CPNE5: variants seen among roughly 807,000 people sequenced by gnomAD.
The protein encoded by CPNE5 is copine-5.
A neutral mutation model predicts 81.1 loss-of-function variants in CPNE5; 42 were observed. That is an observed-to-expected ratio of 0.52 (90% CI 0.40 to 0.67). CPNE5 has a LOEUF of 0.67. Among genes scored for constraint, CPNE5 ranks in the 30% least tolerant of loss-of-function variants. The probability of loss-of-function intolerance (pLI) is 0.00; values close to 1 mark genes in which losing one functional copy is unlikely to be tolerated. For missense variants in CPNE5, 612 were observed against 815.5 expected (o/e 0.75, Z 3.04); for synonymous variants, 313 against 321.5 (o/e 0.97, Z 0.28).
chr6:36,769,490 G>A (rs536941634), intron 10 of CPNE5, among the ~76,000 whole-genome samples: 4 of 152,348 alleles, frequency 2.6e-5, no homozygotes, highest in South Asian at 4.1e-4. Context: ...GAGCTGCAAG[G>A]TCTGCCTCCT....
At chr6:36,756,566 C>G (rs73414240) in intron 12 of CPNE5, among the ~76,000 whole-genome samples, 1 of 152,150 alleles carries the variant, frequency 6.6e-6, no homozygotes, top group Non-Finnish European at 1.5e-5. Flanking sequence ...CACTGTTCCC[C>G]GGAACACACG....
At chr6:36,792,439 G>C in intron 7 of CPNE5, 1 of 1,357,648 alleles carries the variant, frequency 7.4e-7, no homozygotes, top group Non-Finnish European at 9.7e-7. Context: ...TCCATCCAAA[G>C]ACCACTTCTG....
In CPNE5 at chr6:36,746,362, A is replaced by G. The variant is rs3213535; in HGVS notation, c.1200+34T>C. On this transcript the variant is annotated intron_variant, in intron 16 of 20. Coordinates refer to ENST00000244751, the MANE Select transcript of CPNE5 (RefSeq NM_020939.2). The surrounding 1 kb of genome is among the most constrained non-coding windows in gnomAD (Gnocchi z 4.5). ...AGCTTGTCACCTCACCCCCAGCCTG[A>G]TCAGTCCTCTCTCCCACCAGCGGGA... 0.33 allele frequency: 478,285 copies of G among 1,465,302 alleles called. 76,965 individuals are homozygous for G. Among genetic ancestry groups the G allele is most frequent in the Non-Finnish European group, 0.35 (379,574 of 1,091,696 alleles). The allele number at this position is 1,465,302 out of a possible 1,614,324, so 90.8% of individuals were successfully genotyped here.
intron 1 of CPNE5, among the ~76,000 whole-genome samples, chr6:36,838,321 A>G (rs986473487): frequency 6.6e-6 from 1 of 152,214 alleles, no homozygotes; most frequent in African/African-American, 2.4e-5. Flanking sequence ...GATCTGGGGC[A>G]GGGGGCATGG....
chr6:36,786,619 C>A (rs1369637601), intron 8 of CPNE5, among the ~76,000 whole-genome samples: 1 of 152,178 alleles, frequency 6.6e-6, no homozygotes, highest in Non-Finnish European at 1.5e-5. Flanking sequence ...ATGTTCACTA[C>A]AGTATTATTT....
At chr6:36,785,890 A>G (rs533540575) in intron 8 of CPNE5, among the ~76,000 whole-genome samples, 39 of 151,806 alleles carry the variant, frequency 2.6e-4, no homozygotes, top group Non-Finnish European at 2.9e-5. Flanking sequence ...ATGCATGCCT[A>G]TAATCCCAGA....
At chr6:36,763,110 G>T (rs558287503) in intron 11 of CPNE5, 118 bp from the exon 12 acceptor site, 3 of 861,660 alleles carry the variant, frequency 3.5e-6, no homozygotes, top group Non-Finnish European at 5.8e-6. Context: ...TCCACTCCAG[G>T]GGCACACGCC....
intron 3 of CPNE5, among the ~76,000 whole-genome samples, chr6:36,816,430 C>G (rs554752798): frequency 1.3e-5 from 2 of 152,218 alleles, no homozygotes; most frequent in Non-Finnish European, 2.9e-5. Context: ...CCAGGGGCCA[C>G]GAGAGCAGAT....
intron 3 of CPNE5, among the ~76,000 whole-genome samples, chr6:36,811,285 G>A (rs1425851506): frequency 2.6e-5 from 4 of 152,164 alleles, no homozygotes; most frequent in Admixed American, 1.3e-4. Context: ...CCAAAACATC[G>A]ATAGCTCCTG....
In CPNE5 at chr6:36,813,820, T is replaced by A. The variant is rs191652503; in HGVS notation, c.183+8294A>T. Among the ~76,000 whole-genome samples, 116 of 152,330 alleles carry A rather than the reference T, an allele frequency of 7.6e-4. 1 individual carries two copies. The highest frequency in any genetic ancestry group is 2.7e-3 in the African/African-American group (113 of 41,582). Reference sequence around the variant, plus strand: ...GGCACCACTCAAGACTCAGCTCCAGTGCCACCAAGTTTGGCTTGGTTCACA... The same window carrying A: ...GGCACCACTCAAGACTCAGCTCCAGAGCCACCAAGTTTGGCTTGGTTCACA... On this transcript the variant is annotated intron_variant, in intron 3 of 20. Transcript: ENST00000244751.
At chr6:36,791,593 G>C (rs992790234) in intron 8 of CPNE5, among the ~76,000 whole-genome samples, 1 of 152,090 alleles carries the variant, frequency 6.6e-6, no homozygotes, top group African/African-American at 2.4e-5. Context: ...CACTCCATCC[G>C]CCCCATGCAG....
At chr6:36,780,302 T>C (rs1220747399) in intron 8 of CPNE5, among the ~76,000 whole-genome samples, 1 of 151,882 alleles carries the variant, frequency 6.6e-6, no homozygotes, top group Non-Finnish European at 1.5e-5. Context: ...TTGAGAAGGG[T>C]GACCCACAGC....
At chr6:36,790,706 A>G (rs1769008947) in intron 8 of CPNE5, among the ~76,000 whole-genome samples, 1 of 152,108 alleles carries the variant, frequency 6.6e-6, no homozygotes, top group Non-Finnish European at 1.5e-5. Context: ...GCCGGGCCCA[A>G]CTAATTTTTT....
chr6:36,772,348 C>T (rs13206316), intron 10 of CPNE5, among the ~76,000 whole-genome samples: 1 of 152,044 alleles, frequency 6.6e-6, no homozygotes, highest in Non-Finnish European at 1.5e-5. Flanking sequence ...CCAACCAGCC[C>T]GTCCTCTCAC....
chr6:36,802,488 C>T (rs1240137014), intron 3 of CPNE5, among the ~76,000 whole-genome samples: 1 of 152,104 alleles, frequency 6.6e-6, no homozygotes, highest in Non-Finnish European at 1.5e-5. Context: ...ATCCACCACA[C>T]TGTATGCTCC....
intron 15 of CPNE5, among the ~76,000 whole-genome samples, chr6:36,747,923 G>A (rs1764365080): frequency 1.3e-5 from 2 of 152,208 alleles, no homozygotes; most frequent in Non-Finnish European, 2.9e-5. Flanking sequence ...ATCCCGGGGG[G>A]AAACATCTCC....
intron 12 of CPNE5, among the ~76,000 whole-genome samples, chr6:36,759,840 TGTGG>T (rs1323451433): frequency 6.6e-6 from 1 of 150,936 alleles, no homozygotes; most frequent in Admixed American, 6.6e-5. Flanking sequence ...CGGGGATGAA[TGTGG>T]GAATGGGCAG....
intron 14 of CPNE5, among the ~76,000 whole-genome samples, chr6:36,749,417 T>A (rs1764553443): frequency 6.6e-6 from 1 of 152,210 alleles, no homozygotes; most frequent in Non-Finnish European, 1.5e-5. Context: ...ATTGGGGAGA[T>A]GTAAACATTT....
At chr6:36,804,021 G>A (rs959003682) in intron 3 of CPNE5, among the ~76,000 whole-genome samples, 14 of 152,182 alleles carry the variant, frequency 9.2e-5, no homozygotes, top group Non-Finnish European at 1.5e-5. Context: ...AATAGCTTAA[G>A]TGCATCATTA....
Sources: allele counts gnomAD v4.1 joint callset (sites outside exome capture counted in the v4.1 genomes callset), GRCh38; gene constraint gnomAD v4.1.1; non-coding constraint Gnocchi (gnomAD v3.1); transcripts MANE v1.5; gene names NCBI Gene and HGNC (gene_info 2026-07-23, HGNC 2026-07-21).